Variants in ZBTB16 observed in about 807,000 individuals in gnomAD.
The protein encoded by ZBTB16 is zinc finger and BTB domain containing 16.
Under a neutral mutation model 56.8 loss-of-function variants are expected in ZBTB16, and 8 were observed. The ratio of observed to expected loss-of-function variants is 0.14; its 90% CI spans 0.08 to 0.25. The LOEUF is 0.25. Ranked by LOEUF, ZBTB16 falls within the 10% of genes least tolerant of loss-of-function variation. ZBTB16 has a pLI of 1.00. For missense variants in ZBTB16, 625 were observed against 903.0 expected, an observed-to-expected ratio of 0.69 and a Z score of 3.95; for synonymous variants, 363 against 368.5, an observed-to-expected ratio of 0.98 and a Z score of 0.17.
chr11:114,203,329 T>G (rs1943777744), intron 4 of ZBTB16, among the ~76,000 whole-genome samples: 1 of 152,174 alleles, frequency 6.6e-6, no homozygotes, highest in South Asian at 2.1e-4. Flanking sequence ...AATGGGTATG[T>G]GGTTCCTTTT....
rs781222692 is a variant in ZBTB16, at chr11:114,063,890, G to A, written c.590G>A (p.Ser197Asn). The change falls in exon 2 of 7, where the codon AGT (serine) becomes AAT (asparagine). Residue 197 changes from serine (S) to asparagine (N), a missense_variant. By Grantham distance (46) the Ser-to-Asn change is conservative. Coordinates refer to ENST00000335953, the MANE Select transcript of ZBTB16 (RefSeq NM_006006.6). This position sits in a 1 kb window ranked among gnomAD's most constrained non-coding sequence, Gnocchi z 6.5. ...ACTTCATTTGGTCTTTCAGCCATGA[G>A]TCCCACCAAGGCTGCAGTGGACAGT... ...VSTSFGLSAM[S>N]PTKAAVDSLM... 80 of 1,613,946 alleles carry A rather than the reference G, an allele frequency of 5.0e-5. No individual in the cohort carries two copies. Among genetic ancestry groups the A allele is most frequent in the Admixed American group, 1.8e-4 (11 of 60,010 alleles).
In ZBTB16 at chr11:114,063,819, A is replaced by C; in HGVS notation, c.519A>C (p.Gly173=). Residue 173 remains glycine, a synonymous_variant, in exon 2 of 7, where the codon GGA becomes GGC. Transcript: ENST00000335953. The surrounding 1 kb of genome is among the most constrained non-coding windows in gnomAD (Gnocchi z 6.5). ...SEESGYASVA[G]QSLPGPMVDQ... ...AGAGTGGGTATGCCAGTGTGGCTGG[A>C]CAGAGCCTCCCTGGGCCCATGGTGG... is the stretch of plus-strand genomic sequence containing the variant. 1.9e-6 allele frequency: 3 copies of C among 1,614,102 alleles called. No individual in the cohort carries two copies. The highest frequency in any genetic ancestry group is 2.5e-6 in the Non-Finnish European group (3 of 1,180,028).
intron 3 of ZBTB16, among the ~76,000 whole-genome samples, chr11:114,157,559 GTT>G (rs1942451271): frequency 6.6e-6 from 1 of 152,118 alleles, no homozygotes; most frequent in Admixed American, 6.5e-5. Context: ...CCATCCGCTC[GTT>G]CCCTGCCTGC....
chr11:114,249,898 C>T (rs973686114), intron 6 of ZBTB16, among the ~76,000 whole-genome samples: 6 of 151,942 alleles, frequency 3.9e-5, no homozygotes, highest in Non-Finnish European at 8.8e-5. Flanking sequence ...TGAAAGGTCT[C>T]GATCCACCTG....
chr11:114,195,317 A>C (rs2135086043), intron 4 of ZBTB16, among the ~76,000 whole-genome samples: 1 of 152,250 alleles, frequency 6.6e-6, no homozygotes, highest in South Asian at 2.1e-4. Flanking sequence ...CTTTCAGTCC[A>C]TCTGTAGGGG....
At chr11:114,207,949 C>T (rs540959829) in intron 4 of ZBTB16, among the ~76,000 whole-genome samples, 2 of 152,296 alleles carry the variant, frequency 1.3e-5, no homozygotes, top group Admixed American at 6.5e-5. Context: ...GAGTTTCACT[C>T]TGTTGGCCCG....
At chr11:114,224,417 T>A (rs886713162) in intron 4 of ZBTB16, among the ~76,000 whole-genome samples, 1 of 152,204 alleles carries the variant, frequency 6.6e-6, no homozygotes, top group Non-Finnish European at 1.5e-5. Flanking sequence ...GCTTTTTTTA[T>A]TGTTATCGTT....
At chr11:114,124,562 A>C (rs1565638117) in intron 2 of ZBTB16, among the ~76,000 whole-genome samples, 2 of 149,828 alleles carry the variant, frequency 1.3e-5, no homozygotes, top group African/African-American at 4.9e-5. Context: ...AAAACCAAAA[A>C]AAAAAAAAAA....
intron 2 of ZBTB16, among the ~76,000 whole-genome samples, chr11:114,148,202 G>T (rs1298007808): frequency 6.6e-6 from 1 of 151,994 alleles, no homozygotes; most frequent in South Asian, 2.1e-4. Context: ...ATTCGGTGTG[G>T]TCATGGCCCC....
chr11:114,171,912 C>T (rs1942979039), intron 3 of ZBTB16, among the ~76,000 whole-genome samples: 1 of 152,246 alleles, frequency 6.6e-6, no homozygotes, highest in South Asian at 2.1e-4. Flanking sequence ...ATGAGGCGTT[C>T]CGCCTCTGCC....
At chr11:114,235,232 G>A (rs1000108067) in intron 4 of ZBTB16, among the ~76,000 whole-genome samples, 3 of 152,104 alleles carry the variant, frequency 2.0e-5, no homozygotes, top group Non-Finnish European at 2.9e-5. Context: ...GTGCATGCAC[G>A]AGCACACACG....
intron 4 of ZBTB16, among the ~76,000 whole-genome samples, chr11:114,209,059 C>A (rs543377551): frequency 2.6e-4 from 40 of 152,258 alleles, no homozygotes; most frequent in African/African-American, 9.4e-4. Context: ...ACCACTTGTG[C>A]AGGTGCCCGC....
In ZBTB16 at chr11:114,089,208, C is replaced by G. The variant is rs75753943; in HGVS notation, c.1268+24640C>G. ...CTGGGGCTTTCCTATGGATGATGTC[C>G]TGTGAAGGGTAGATCCTGGAGGGAC... On this transcript the variant is annotated intron_variant, in intron 2 of 6. Transcript: ENST00000335953. 5.3e-5 allele frequency among the ~76,000 whole-genome samples: 8 copies of G among 152,280 alleles called. No individual in the cohort carries two copies. The East Asian group carries it at 1.5e-3, about 29-fold the overall frequency.
chr11:114,088,021 G>A (rs1306956252), intron 2 of ZBTB16, among the ~76,000 whole-genome samples: 1 of 152,014 alleles, frequency 6.6e-6, no homozygotes, highest in African/African-American at 2.4e-5. Context: ...CAGTGTAAAT[G>A]CCCTCTCCTT....
chr11:114,222,657 C>G (rs1944251398), intron 4 of ZBTB16, among the ~76,000 whole-genome samples: 1 of 152,130 alleles, frequency 6.6e-6, no homozygotes, highest in Admixed American at 6.5e-5. Context: ...CTGACAAAAG[C>G]CTGTTCACCT....
At chr11:114,129,858 C>T (rs1941614626) in intron 2 of ZBTB16, among the ~76,000 whole-genome samples, 1 of 152,198 alleles carries the variant, frequency 6.6e-6, no homozygotes, top group African/African-American at 2.4e-5. Flanking sequence ...TGGGCTTCTC[C>T]CCCCTCCTTC....
At chr11:114,231,337 TG>T (rs1451082569) in intron 4 of ZBTB16, among the ~76,000 whole-genome samples, 1 of 152,148 alleles carries the variant, frequency 6.6e-6, no homozygotes, top group Admixed American at 6.5e-5. Flanking sequence ...TGGGCTTTCT[TG>T]GGGGTCTTCT....
chr11:114,252,413 TG>T lies in ZBTB16; in HGVS notation c.*1859del. Among the ~76,000 whole-genome samples, 1 of 151,588 alleles carries T rather than the reference TG, an allele frequency of 6.6e-6. No homozygotes were observed. Among genetic ancestry groups the T allele is most frequent in the African/African-American group, 2.4e-5 (1 of 41,314 alleles). The stretch of plus-strand genomic sequence containing the variant: ...GCGGGATCCAGCCTTTGTTTTGTTG[TG>T]TTGGGGTGGGGGTGTTGTTTTTCTA... On this transcript the variant is annotated 3_prime_UTR_variant, in exon 7 of 7. Transcript: ENST00000335953.
chr11:114,188,449 G>T (rs773689287), intron 4 of ZBTB16: 2 of 152,200 alleles, frequency 1.3e-5, no homozygotes, highest in Non-Finnish European at 2.9e-5. Context: ...TCTTAATTTA[G>T]ATTTCTCATC....
Sources: allele counts gnomAD v4.1 joint callset (sites outside exome capture counted in the v4.1 genomes callset), GRCh38; gene constraint gnomAD v4.1.1; non-coding constraint Gnocchi (gnomAD v3.1); transcripts MANE v1.5; gene names NCBI Gene and HGNC (gene_info 2026-07-23, HGNC 2026-07-21).